Variants in WDR33 observed in about 807,000 individuals in gnomAD.
WDR33 encodes pre-mRNA 3' end processing protein WDR33.
A neutral mutation model predicts 164.9 loss-of-function variants in WDR33; 47 were observed. The ratio of observed to expected loss-of-function variants is 0.29; its 90% CI spans 0.23 to 0.36. The LOEUF (loss-of-function observed/expected upper bound fraction) is 0.36, where lower values mean the gene tolerates loss of function less well. Among genes scored for constraint, WDR33 ranks in the 10% least tolerant of loss-of-function variants. The pLI is 1.00. For missense variants in WDR33, 1,137 were observed against 1,754.1 expected (o/e 0.65, Z 6.28); for synonymous variants, 505 against 589.0 (o/e 0.86, Z 2.06).
rs1687771429 is a variant in WDR33 at position 127,764,680 on chromosome 2, G to GA, written c.626+147dup. ...GGTGCCAGCAAAATGGTGAATGTGT[G>GA]AAAACAAAGAAAAATATTGTGTTTA... is the stretch of plus-strand genomic sequence containing the variant. On this transcript the variant is annotated intron_variant, in intron 6 of 21. Coordinates refer to ENST00000322313, the MANE Select transcript of WDR33 (RefSeq NM_018383.5). This position sits in a 1 kb window ranked among gnomAD's most constrained non-coding sequence, Gnocchi z 6.2. 9.4e-6 allele frequency: 15 copies of GA among 1,593,196 alleles called. No individual in the cohort carries two copies. The highest frequency in any genetic ancestry group is 1.3e-5 in the Non-Finnish European group (15 of 1,169,166).
intron 7 of WDR33, among the ~76,000 whole-genome samples, chr2:127,750,505 G>A (rs1023693100): frequency 6.7e-6 from 1 of 150,130 alleles, no homozygotes; most frequent in East Asian, 2.0e-4. Flanking sequence ...AAATTAGCCA[G>A]GCATGGTGGC....
In WDR33 at chr2:127,717,658, C is replaced by G. The variant is rs774311720; in HGVS notation, c.2761-395G>C. On this transcript the variant is annotated intron_variant, in intron 16 of 21. Coordinates refer to ENST00000322313, the MANE Select transcript of WDR33 (RefSeq NM_018383.5). This position sits in a 1 kb window ranked among gnomAD's most constrained non-coding sequence, Gnocchi z 5.6. ...AATAAGAGCACAGATTTTCATCAGG[C>G]AACTTCTGAGATCTGAAATGCCCTA... Among the ~76,000 whole-genome samples the G allele has an allele frequency of 6.6e-6, 1 of 152,194 alleles. No homozygotes were observed. The highest frequency in any genetic ancestry group is 1.5e-5 in the Non-Finnish European group (1 of 68,038).
rs1483910344 is a variant in WDR33 at position 127,788,382 on chromosome 2, G to A, written c.-23-17378C>T. On this transcript the variant is annotated intron_variant, in intron 1 of 21. Coordinates refer to ENST00000322313, the MANE Select transcript of WDR33 (RefSeq NM_018383.5). ...CCAGTAGGGGCGGCCGGGCAGAGGC[G>A]CTCCTCACCTCCCGGACGGGGCGGC... Among the ~76,000 whole-genome samples, 222 of 102,922 alleles carry A rather than the reference G, an allele frequency of 2.2e-3. 2 individuals carry two copies. Among genetic ancestry groups the A allele is most frequent in the Non-Finnish European group, 2.7e-3 (140 of 51,426 alleles). The allele number at this position is 102,922 out of a possible 152,430, so 67.5% of individuals were successfully genotyped here.
intron 7 of WDR33, chr2:127,736,694 C>T (rs748038986): frequency 5.1e-6 from 5 of 985,374 alleles, no homozygotes; most frequent in Non-Finnish European, 6.0e-6. Context: ...AAAATTAGTG[C>T]CGTGTAACTT....
chr2:127,780,735 G>C (rs1688342778), intron 1 of WDR33, among the ~76,000 whole-genome samples: 1 of 152,154 alleles, frequency 6.6e-6, no homozygotes, highest in African/African-American at 2.4e-5. Flanking sequence ...TACTCAAAAG[G>C]CTGAAGCAGG....
chr2:127,770,865 T>C lies in WDR33; in HGVS notation c.117A>G (p.Gln39=). The change falls in exon 2 of 22, where the codon CAA becomes CAG. Residue 39 remains glutamine, a synonymous_variant. Transcript: ENST00000322313. The surrounding 1 kb of genome is among the most constrained non-coding windows in gnomAD (Gnocchi z 4.9). ...TTCGTTTTCCATCAAAAGTAAGCTG[T>C]TGCATTGCTTGCTGTTGTGCAAAAT... The part of the protein sequence containing the change: ...RPDFAQQQAM[Q]QLTFDGKRMR... 3.1e-6 allele frequency: 5 copies of C among 1,614,170 alleles called. No individual in the cohort carries two copies. The highest frequency in any genetic ancestry group is 4.2e-6 in the Non-Finnish European group (5 of 1,180,032).
In WDR33 at chr2:127,701,997, C is replaced by G. The variant is rs1303487074; in HGVS notation, c.*4326G>C. ...CTACATGGCAGCGCTGGGCGCCACG[C>G]TGTTCGCCGCGCTGGGCCTTCGCAG... On this transcript the variant is annotated 3_prime_UTR_variant, in exon 22 of 22. Transcript: ENST00000322313. 1 of 1,327,016 alleles carries G rather than the reference C, an allele frequency of 7.5e-7. No homozygotes were observed. Among genetic ancestry groups the G allele is most frequent in the African/African-American group, 1.6e-5 (1 of 64,282 alleles). 82.2% of individuals were successfully genotyped at this position (1,327,016 alleles called of 1,614,324 possible).
chr2:127,739,448 A>G (rs72968960), intron 7 of WDR33, among the ~76,000 whole-genome samples: 8,648 of 152,290 alleles, frequency 0.057, 462 homozygotes, highest in African/African-American at 0.14. Context: ...GGTATGTTAC[A>G]TGTAATTCAA....
At chr2:127,769,885 A>G (rs1337923884) in intron 2 of WDR33, among the ~76,000 whole-genome samples, 2 of 152,230 alleles carry the variant, frequency 1.3e-5, no homozygotes, top group African/African-American at 4.8e-5. Context: ...CTACATTAAC[A>G]CAAGTAAATA....
Position 127,714,037 on chromosome 2 carries a change from C to A in WDR33, c.2870-16G>T. 6.7e-7 allele frequency: 1 copy of A among 1,503,428 alleles called. No individual in the cohort carries two copies. The highest frequency in any genetic ancestry group is 8.8e-7 in the Non-Finnish European group (1 of 1,132,714). 93.1% of individuals were successfully genotyped at this position (1,503,428 alleles called of 1,614,324 possible). A position where few individuals can be genotyped will look rare whatever the true frequency, so the allele number is the denominator to read the frequency against. ...CGGGAGTCACCTAAAGGAAACAAAGCTGACTTTTACCATGTCTTCCAGGAA... is the reference window on the plus strand; with the variant it reads ...CGGGAGTCACCTAAAGGAAACAAAGATGACTTTTACCATGTCTTCCAGGAA... On this transcript the variant is annotated splice_polypyrimidine_tract_variant and intron_variant, in intron 17 of 21. Transcript: ENST00000322313. The surrounding 1 kb of genome is among the most constrained non-coding windows in gnomAD (Gnocchi z 4.3).
At chr2:127,798,745 A>G (rs938342941) in intron 1 of WDR33, among the ~76,000 whole-genome samples, 10 of 152,286 alleles carry the variant, frequency 6.6e-5, no homozygotes, top group African/African-American at 2.4e-4. Context: ...CGATGAACTG[A>G]AAGTTAAACA....
rs992813345 is a variant in WDR33 at position 127,716,959 on chromosome 2, T to C, written c.2869+196A>G. Among the ~76,000 whole-genome samples the C allele has an allele frequency of 6.6e-6, 1 of 152,190 alleles. No homozygotes were observed. Among genetic ancestry groups the C allele is most frequent in the African/African-American group, 2.4e-5 (1 of 41,436 alleles). On this transcript the variant is annotated intron_variant, in intron 17 of 21. Transcript: ENST00000322313. The surrounding 1 kb of genome is among the most constrained non-coding windows in gnomAD (Gnocchi z 4.5). ...TGTGCGGGTGCCTTCATTGTCAGCCTCTGGGGTGAGGGGCTTACTAAACAG... is the reference window on the plus strand; with the variant it reads ...TGTGCGGGTGCCTTCATTGTCAGCCCCTGGGGTGAGGGGCTTACTAAACAG...
At position 127,726,917 on chromosome 2, in the gene WDR33, C is replaced by T; in HGVS notation, c.725-140G>A. The T allele has an allele frequency of 4.6e-6, 5 of 1,091,936 alleles. No individual in the cohort carries two copies. Among genetic ancestry groups the T allele is most frequent in the Non-Finnish European group, 6.5e-6 (5 of 773,900 alleles). 67.6% of individuals were successfully genotyped at this position (1,091,936 alleles called of 1,614,324 possible). A position where few individuals can be genotyped will look rare whatever the true frequency, so the allele number is the denominator to read the frequency against. Reference sequence around the variant, plus strand: ...ACTTGTTTTGTGAAGACTCTTTGGCCTCTGTGTGTCTGGAAATTTTTCAGA... The same window carrying T: ...ACTTGTTTTGTGAAGACTCTTTGGCTTCTGTGTGTCTGGAAATTTTTCAGA... On this transcript the variant is annotated intron_variant, in intron 7 of 21. Coordinates refer to ENST00000322313, the MANE Select transcript of WDR33 (RefSeq NM_018383.5). This position sits in a 1 kb window ranked among gnomAD's most constrained non-coding sequence, Gnocchi z 4.8.
chr2:127,781,233 A>C (rs1053570295), intron 1 of WDR33, among the ~76,000 whole-genome samples: 3 of 152,200 alleles, frequency 2.0e-5, no homozygotes, highest in African/African-American at 7.2e-5. Flanking sequence ...GAACATATCC[A>C]AGAGATTGCA....
chr2:127,746,283 T>G (rs1398513809), intron 7 of WDR33, among the ~76,000 whole-genome samples: 1 of 151,596 alleles, frequency 6.6e-6, no homozygotes, highest in Non-Finnish European at 1.5e-5. Flanking sequence ...AAATCACTAC[T>G]GAAAAGATAA....
At chr2:127,808,993 T>C (rs1689537474) in intron 1 of WDR33, among the ~76,000 whole-genome samples, 1 of 138,370 alleles carries the variant, frequency 7.2e-6, no homozygotes, top group South Asian at 2.2e-4. Context: ...ATCGCGCCAC[T>C]GCACTCCAGC....
intron 7 of WDR33, chr2:127,736,228 C>T (rs1202691406): frequency 3.2e-5 from 32 of 985,280 alleles, no homozygotes; most frequent in Non-Finnish European, 3.9e-5. Flanking sequence ...CACTAGCTTA[C>T]TACATTTGTC....
In WDR33 at chr2:127,795,102, C is replaced by CTTTTTTTTTT. The variant is rs552910693; in HGVS notation, c.-24+15900_-24+15909dup. ...AGTAAGTTATGAAGCAATAACTTCT[C>CTTTTTTTTTT]TTTTTTTTTTTTTTTTGAGAGGGAG... On this transcript the variant is annotated intron_variant, in intron 1 of 21. Transcript: ENST00000322313. Among the ~76,000 whole-genome samples the CTTTTTTTTTT allele has an allele frequency of 2.1e-4, 28 of 131,134 alleles. 1 individual carries two copies. The highest frequency in any genetic ancestry group is 6.6e-4 in the African/African-American group (22 of 33,416). 86.0% of individuals were successfully genotyped at this position (131,134 alleles called of 152,430 possible).
chr2:127,722,923 G>A lies in WDR33; in HGVS notation c.1378+35C>T. 1.3e-6 allele frequency: 2 copies of A among 1,566,416 alleles called. No homozygotes were observed. Among genetic ancestry groups the A allele is most frequent in the Non-Finnish European group, 8.6e-7 (1 of 1,158,784 alleles). On this transcript the variant is annotated intron_variant, in intron 13 of 21. Coordinates refer to ENST00000322313, the MANE Select transcript of WDR33 (RefSeq NM_018383.5). The surrounding 1 kb of genome is among the most constrained non-coding windows in gnomAD (Gnocchi z 5.1). ...ACATAAACGGGTCAAGAAAAAATTT[G>A]TAAAAATTAAATGTGTCTGTGTAAC...
Sources: gnomAD v4.1 joint callset for allele counts (sites outside exome capture counted in the v4.1 genomes callset) on GRCh38, gnomAD v4.1.1 for gene constraint, Gnocchi (gnomAD v3.1) non-coding constraint, MANE v1.5 for transcripts, NCBI Gene and HGNC (gene_info 2026-07-23, HGNC 2026-07-21) for gene names.